Variants in PHF21B observed in about 807,000 individuals in gnomAD.
PHF21B encodes the protein PHD finger protein 21B, also known as PHD finger protein 4.
Under a neutral mutation model 62.2 loss-of-function variants are expected in PHF21B, and 22 were observed. The ratio of observed to expected loss-of-function variants is 0.35; its 90% CI spans 0.25 to 0.51. The LOEUF (loss-of-function observed/expected upper bound fraction) is 0.51. Ranked by LOEUF, PHF21B falls within the 20% of genes least tolerant of loss-of-function variation. PHF21B has a pLI of 0.97. For synonymous variants in PHF21B, 341 were observed against 314.7 expected (o/e 1.08, Z -0.88); for missense variants, 701 against 707.9 (o/e 0.99, Z 0.11).
intron 5 of PHF21B, among the ~76,000 whole-genome samples, chr22:44,908,472 C>T (rs2071290057): frequency 6.6e-6 from 1 of 152,164 alleles, no homozygotes; most frequent in African/African-American, 2.4e-5. Context: ...CACTCTGGGA[C>T]ACTGCTGACT....
chr22:44,920,770 T>C (rs1373815638), intron 2 of PHF21B, among the ~76,000 whole-genome samples: 1 of 152,346 alleles, frequency 6.6e-6, no homozygotes, highest in East Asian at 1.9e-4. Flanking sequence ...CAGCTAAATA[T>C]AGAATGTTGT....
chr22:44,914,350 C>G (rs1282117318), intron 4 of PHF21B, among the ~76,000 whole-genome samples: 1 of 152,218 alleles, frequency 6.6e-6, no homozygotes, highest in Non-Finnish European at 1.5e-5. Context: ...GGTTCCAGTC[C>G]TGCCCCACCG....
chr22:44,950,806 G>A (rs1401263810), intron 2 of PHF21B, among the ~76,000 whole-genome samples: 1 of 152,166 alleles, frequency 6.6e-6, no homozygotes, highest in African/African-American at 2.4e-5. Context: ...GTCTTCTGCT[G>A]TTTCACCATT....
chr22:44,972,178 G>C (rs2072651601), intron 2 of PHF21B, among the ~76,000 whole-genome samples: 2 of 152,250 alleles, frequency 1.3e-5, no homozygotes, highest in Non-Finnish European at 2.9e-5. Flanking sequence ...TGAAATTCAA[G>C]TTCCTTTGTA....
intron 5 of PHF21B, among the ~76,000 whole-genome samples, chr22:44,910,339 C>T (rs565976184): frequency 1.6e-4 from 24 of 152,214 alleles, no homozygotes; most frequent in Middle Eastern, 3.4e-3. Context: ...CCAGCACTTT[C>T]GGAGGCTGAG....
intron 1 of PHF21B, chr22:45,008,916 G>A: frequency 8.7e-7 from 1 of 1,147,932 alleles, no homozygotes; most frequent in Non-Finnish European, 1.1e-6. Context: ...GTGTGAGTGT[G>A]AGTGTGTGCC....
intron 2 of PHF21B, among the ~76,000 whole-genome samples, chr22:44,927,549 G>T (rs1028090275): frequency 6.6e-6 from 1 of 152,130 alleles, no homozygotes; most frequent in Non-Finnish European, 1.5e-5. Flanking sequence ...ACCGCCCTGG[G>T]GACGGTGGGT....
intron 2 of PHF21B, among the ~76,000 whole-genome samples, chr22:44,986,174 C>T (rs558560724): frequency 6.9e-6 from 1 of 145,724 alleles, no homozygotes; most frequent in Admixed American, 6.7e-5. Flanking sequence ...TCACCATGAG[C>T]ACCCCCATCA....
chr22:44,892,819 G>A (rs987925319), intron 7 of PHF21B, among the ~76,000 whole-genome samples: 3 of 152,204 alleles, frequency 2.0e-5, no homozygotes, highest in African/African-American at 7.2e-5. Flanking sequence ...GCAGGAAGGT[G>A]TCATTTATGA....
chr22:44,951,158 T>C (rs1034799071), intron 2 of PHF21B, among the ~76,000 whole-genome samples: 8 of 152,232 alleles, frequency 5.3e-5, no homozygotes, highest in African/African-American at 1.9e-4. Context: ...TGACTTACTA[T>C]GGTCTCTGTG....
chr22:44,950,012 A>C, intron 2 of PHF21B, among the ~76,000 whole-genome samples: 1 of 152,206 alleles, frequency 6.6e-6, no homozygotes, highest in Non-Finnish European at 1.5e-5. Flanking sequence ...ACTCACATTC[A>C]GAAGTGACCT....
At chr22:44,888,784 CT>C (rs2070906875) in intron 9 of PHF21B, among the ~76,000 whole-genome samples, 1 of 152,132 alleles carries the variant, frequency 6.6e-6, no homozygotes, top group African/African-American at 2.4e-5. Flanking sequence ...GTCTCCACCC[CT>C]TGTGTCATGC....
intron 2 of PHF21B, among the ~76,000 whole-genome samples, chr22:45,007,427 G>C (rs2073338072): frequency 6.8e-6 from 1 of 147,632 alleles, no homozygotes; most frequent in Admixed American, 6.7e-5. Context: ...GGGTGGGAGC[G>C]CGGGGGCAGG....
intron 5 of PHF21B, among the ~76,000 whole-genome samples, chr22:44,904,256 T>G (rs9754480): frequency 6.6e-6 from 1 of 152,092 alleles, no homozygotes; most frequent in Non-Finnish European, 1.5e-5. Context: ...TTCCTAGAAT[T>G]TTCCTTTTAT....
At chr22:44,991,719 C>T (rs116304828) in intron 2 of PHF21B, among the ~76,000 whole-genome samples, 3,086 of 152,302 alleles carry the variant, frequency 0.02, 102 homozygotes, top group African/African-American at 0.07. Flanking sequence ...CTGTGTCCCG[C>T]TGGCCTCCCT....
intron 9 of PHF21B, 39 bp from the exon 10 acceptor site, chr22:44,888,160 G>A: frequency 6.8e-7 from 1 of 1,465,160 alleles, no homozygotes; most frequent in Non-Finnish European, 9.1e-7. Flanking sequence ...GTCAGCCACA[G>A]CCAGGGCAGC....
At chr22:44,892,297 G>A (rs1434071719) in intron 7 of PHF21B, among the ~76,000 whole-genome samples, 2 of 152,230 alleles carry the variant, frequency 1.3e-5, no homozygotes, top group Non-Finnish European at 2.9e-5. Flanking sequence ...GGCCCACGTG[G>A]AGCACGTTCT....
At chr22:44,984,512 G>A (rs565738107) in intron 2 of PHF21B, among the ~76,000 whole-genome samples, 1 of 152,194 alleles carries the variant, frequency 6.6e-6, no homozygotes, top group African/African-American at 2.4e-5. Context: ...TTCCGCAGGT[G>A]AACAGAGCTC....
Position 45,009,707 on chromosome 22 carries a change from C to A in PHF21B, c.-158G>T. 1 of 629,260 alleles carries A rather than the reference C, an allele frequency of 1.6e-6. No individual in the cohort carries two copies. Among genetic ancestry groups the A allele is most frequent in the Non-Finnish European group, 2.5e-6 (1 of 402,536 alleles). The allele number at this position is 629,260 out of a possible 1,614,324, so 39.0% of individuals were successfully genotyped here. On this transcript the variant is annotated 5_prime_UTR_variant, in exon 1 of 13. Coordinates refer to ENST00000313237, the MANE Select transcript of PHF21B (RefSeq NM_138415.5). The surrounding 1 kb of genome is among the most constrained non-coding windows in gnomAD (Gnocchi z 5.9). ...CCCCCACGGCCGAAAGGGAAGGGGG[C>A]TGGCGAAGGGGAAGACAGGCTTCCG...
Sources: allele counts gnomAD v4.1 joint callset (sites outside exome capture counted in the v4.1 genomes callset), GRCh38; gene constraint gnomAD v4.1.1; non-coding constraint Gnocchi (gnomAD v3.1); transcripts MANE v1.5; gene names NCBI Gene and HGNC (gene_info 2026-07-23, HGNC 2026-07-21).